The following CATSPERE variants were observed in gnomAD, a reference collection of about 807,000 sequenced individuals.
CATSPERE encodes the protein cation channel sperm-associated auxiliary subunit epsilon.
Under a neutral mutation model 114.1 loss-of-function variants are expected in CATSPERE, and 93 were observed. The ratio of observed to expected loss-of-function variants is 0.81; its 90% CI spans 0.69 to 0.97. The LOEUF is 0.97. Among genes scored for constraint, CATSPERE ranks in the 50% least tolerant of loss-of-function variants. The pLI, the probability that CATSPERE is intolerant of heterozygous loss-of-function variation, is 0.00. For synonymous variants in CATSPERE, 341 were observed against 384.1 expected, an observed-to-expected ratio of 0.89 and a Z score of 1.31; for missense variants, 1,058 against 1,131.6, an observed-to-expected ratio of 0.93 and a Z score of 0.93.
intron 20 of CATSPERE, among the ~76,000 whole-genome samples, chr1:244,625,425 TATATATA>T (rs1345060923): frequency 2.8e-5 from 1 of 35,560 alleles, no homozygotes; most frequent in Non-Finnish European, 5.1e-5. Flanking sequence ...TATATATATA[TATATATA>T]TTTTTTTTTT....
At chr1:244,525,514 TA>T (rs1230161356) in intron 8 of CATSPERE, among the ~76,000 whole-genome samples, 1 of 149,784 alleles carries the variant, frequency 6.7e-6, no homozygotes, top group Non-Finnish European at 1.5e-5. Flanking sequence ...TATAATAAAA[TA>T]AAAAAGAAAG....
chr1:244,639,939 A>C lies in CATSPERE; in HGVS notation c.2714A>C (p.Tyr905Ser). ...TTTTCTGATTTCAGTCCAAGTGTCTACCTGGTAGCTTCTTTCCTCTTCGTC... is the reference window on the plus strand; with the variant it reads ...TTTTCTGATTTCAGTCCAAGTGTCTCCCTGGTAGCTTCTTTCCTCTTCGTC... Reference protein sequence around the residue: ...TFGLIPSPSVYLVASFLFVLM... With the variant: ...TFGLIPSPSVSLVASFLFVLM... The change falls in exon 22 of 22, where the codon TAC (tyrosine) becomes TCC (serine). Residue 905 changes from tyrosine to serine, a missense_variant. Around this residue, in one of 2 missense-constraint regions of CATSPERE, gnomAD observed 787 missense variants for 905.6 expected, o/e 0.87. Coordinates refer to ENST00000366534, the MANE Select transcript of CATSPERE (RefSeq NM_001130957.2). 2 of 1,544,476 alleles carry C rather than the reference A, an allele frequency of 1.3e-6. No individual in the cohort carries two copies. Among genetic ancestry groups the C allele is most frequent in the Non-Finnish European group, 8.7e-7 (1 of 1,145,118 alleles).
At chr1:244,523,691 C>T (rs1162802087) in intron 8 of CATSPERE, among the ~76,000 whole-genome samples, 1 of 136,488 alleles carries the variant, frequency 7.3e-6, no homozygotes, top group Admixed American at 7.1e-5. Context: ...TATACACCAA[C>T]AACAGACAAA....
rs777185554 is a variant in CATSPERE, at chr1:244,461,369, G to A, written c.-61G>A. On this transcript the variant is annotated 5_prime_UTR_variant, in exon 1 of 22. Transcript: ENST00000366534. Reference sequence around the variant, plus strand: ...CCGCCCGCCGGGCCGACGTCCCACGGGAATGCGCGAGGCCTGGACGGGAGT... The same window carrying A: ...CCGCCCGCCGGGCCGACGTCCCACGAGAATGCGCGAGGCCTGGACGGGAGT... 5 of 1,284,636 alleles carry A rather than the reference G, an allele frequency of 3.9e-6. No individual in the cohort carries two copies. The South Asian group carries it at 1.2e-4, about 32-fold the overall frequency. 79.6% of individuals were successfully genotyped at this position (1,284,636 alleles called of 1,614,324 possible).
chr1:244,584,028 T>A (rs1666651681), intron 13 of CATSPERE, 89 bp downstream of exon 13: 1 of 960,396 alleles, frequency 1.0e-6, no homozygotes. Context: ...CTCCGTACAA[T>A]ACCTCCATGC....
At chr1:244,483,452 C>T (rs565980059) in intron 5 of CATSPERE, among the ~76,000 whole-genome samples, 12 of 152,222 alleles carry the variant, frequency 7.9e-5, no homozygotes, top group Admixed American at 3.9e-4. Flanking sequence ...ACTAGTAGTA[C>T]GTGAAAGTTT....
At position 244,589,248 on chromosome 1, in the gene CATSPERE, T is replaced by C. The variant is rs528662229; in HGVS notation, c.2138+714T>C. 5.3e-5 allele frequency among the ~76,000 whole-genome samples: 8 copies of C among 152,214 alleles called. No homozygotes were observed. The South Asian group carries it at 1.4e-3, about 28-fold the overall frequency. Reference sequence around the variant, plus strand: ...GAGTGGGAGTGAGAGTCGGGGAACATTGACTCTTATCTGAGTATTTATGAA... The same window carrying C: ...GAGTGGGAGTGAGAGTCGGGGAACACTGACTCTTATCTGAGTATTTATGAA... On this transcript the variant is annotated intron_variant, in intron 14 of 21. Transcript: ENST00000366534.
At chr1:244,467,876 T>C (rs1343903502) in intron 2 of CATSPERE, among the ~76,000 whole-genome samples, 2 of 152,226 alleles carry the variant, frequency 1.3e-5, no homozygotes, top group Admixed American at 6.5e-5. Flanking sequence ...CTGTATAAAC[T>C]TTATAATATT....
At position 244,640,212 on chromosome 1, in the gene CATSPERE, G is replaced by C. The variant is rs1330074025; in HGVS notation, c.*131G>C. On this transcript the variant is annotated 3_prime_UTR_variant, in exon 22 of 22. Transcript: ENST00000366534. ...TCGTAGTAGGCATCACCAAATTCAA[G>C]ATCTGAAAAATATTCTTGAACTATC... 1.5e-5 allele frequency: 9 copies of C among 614,286 alleles called. No homozygotes were observed. The highest frequency in any genetic ancestry group is 2.6e-5 in the South Asian group (1 of 39,134). The allele number at this position is 614,286 out of a possible 1,614,324, so 38.1% of individuals were successfully genotyped here.
chr1:244,541,484 A>G (rs902258500), intron 8 of CATSPERE, among the ~76,000 whole-genome samples: 7 of 146,036 alleles, frequency 4.8e-5, no homozygotes, highest in Admixed American at 3.4e-4. Flanking sequence ...TTAGAATGGC[A>G]ATCATTAAAA....
At chr1:244,635,136 G>A (rs1430246510) in intron 20 of CATSPERE, among the ~76,000 whole-genome samples, 14 of 152,140 alleles carry the variant, frequency 9.2e-5, no homozygotes, top group African/African-American at 2.7e-4. Flanking sequence ...GAGCCACCGC[G>A]CCTGCCAGTA....
At chr1:244,609,198 T>C (rs549074617) in intron 18 of CATSPERE, among the ~76,000 whole-genome samples, 33 of 151,848 alleles carry the variant, frequency 2.2e-4, no homozygotes, top group African/African-American at 6.3e-4. Context: ...AACAAACAAA[T>C]AAATAAATAA....
intron 20 of CATSPERE, among the ~76,000 whole-genome samples, chr1:244,631,522 C>T (rs956690027): frequency 3.3e-5 from 5 of 152,104 alleles, no homozygotes; most frequent in African/African-American, 1.2e-4. Flanking sequence ...GAAGACAAGC[C>T]ACACACTGGA....
At chr1:244,590,036 A>T (rs1667523279) in intron 14 of CATSPERE, among the ~76,000 whole-genome samples, 1 of 152,180 alleles carries the variant, frequency 6.6e-6, no homozygotes, top group Non-Finnish European at 1.5e-5. Flanking sequence ...TTGTCAATGA[A>T]GGAGAGTTGT....
intron 13 of CATSPERE, among the ~76,000 whole-genome samples, chr1:244,584,522 C>A (rs1172536822): frequency 7.1e-6 from 1 of 140,126 alleles, no homozygotes; most frequent in Non-Finnish European, 1.5e-5. Context: ...GGTAACTGAA[C>A]AGTATTATTA....
rs1272447314 is a variant in CATSPERE at position 244,552,478 on chromosome 1, C to T, written c.693C>T (p.Ile231=). The change falls in exon 9 of 22, where the codon ATC becomes ATT. Residue 231 remains isoleucine (I), a synonymous_variant. Transcript: ENST00000366534. ...CTGAAATTCCTGGTTATTTACCAATCTCCTCACCACGTGGTAGTCAATTAA... is the reference window on the plus strand; with the variant it reads ...CTGAAATTCCTGGTTATTTACCAATTTCCTCACCACGTGGTAGTCAATTAA... The part of the protein sequence containing the change: ...TIPEIPGYLP[I]SSPRGSQLMA... 1.2e-6 allele frequency: 2 copies of T among 1,614,174 alleles called. No homozygotes were observed. The highest frequency in any genetic ancestry group is 8.5e-7 in the Non-Finnish European group (1 of 1,180,030).
At chr1:244,624,472 TA>T (rs576950052) in intron 20 of CATSPERE, among the ~76,000 whole-genome samples, 95 of 152,258 alleles carry the variant, frequency 6.2e-4, no homozygotes, top group African/African-American at 2.3e-3. Flanking sequence ...ATTTCAACAG[TA>T]TTGACAGCAA....
rs78827794 is a variant in CATSPERE at position 244,504,095 on chromosome 1, G to A, written c.429+5016G>A. Reference sequence around the variant, plus strand: ...TTTAACATGGTAACCATAGTAGAATGTAAAACCAATGTGGGACAGTTAAAT... The same window carrying A: ...TTTAACATGGTAACCATAGTAGAATATAAAACCAATGTGGGACAGTTAAAT... On this transcript the variant is annotated intron_variant, in intron 7 of 21. Transcript: ENST00000366534. This position sits in a 1 kb window ranked among gnomAD's most constrained non-coding sequence, Gnocchi z 4.1. Among the ~76,000 whole-genome samples the A allele has an allele frequency of 1.4e-4, 22 of 152,128 alleles. No homozygotes were observed. The highest frequency in any genetic ancestry group is 5.1e-4 in the African/African-American group (21 of 41,500).
At chr1:244,466,594 CAG>C (rs1477246434) in intron 2 of CATSPERE, among the ~76,000 whole-genome samples, 1 of 152,130 alleles carries the variant, frequency 6.6e-6, no homozygotes, top group Non-Finnish European at 1.5e-5. Flanking sequence ...GTGTAGCAGT[CAG>C]GGGTCAGAGG....
Sources: allele counts gnomAD v4.1 joint callset (sites outside exome capture counted in the v4.1 genomes callset), GRCh38; gene constraint gnomAD v4.1.1; regional missense constraint gnomAD v4.1.1; non-coding constraint Gnocchi (gnomAD v3.1); transcripts MANE v1.5; gene names NCBI Gene and HGNC (gene_info 2026-07-23, HGNC 2026-07-21).